The following FER1L6 variants were observed in gnomAD, a reference collection of about 807,000 sequenced individuals.
The protein encoded by FER1L6 is fer-1 like family member 6.
Under a neutral mutation model 219.2 loss-of-function variants are expected in FER1L6, and 177 were observed. That is an observed-to-expected ratio of 0.81 (90% CI 0.71 to 0.91). The LOEUF (loss-of-function observed/expected upper bound fraction) is 0.91, where lower values mean the gene tolerates loss of function less well. FER1L6 is among the 40% of genes least tolerant of loss of function. The probability of loss-of-function intolerance (pLI) is 0.00; values close to 1 mark genes in which losing one functional copy is unlikely to be tolerated. For synonymous variants in FER1L6, 768 were observed against 824.3 expected (o/e 0.93, Z 1.17); for missense variants, 2,153 against 2,259.9 (o/e 0.95, Z 0.96).
At chr8:123,882,935 T>C (rs1188761305) in intron 1 of FER1L6, among the ~76,000 whole-genome samples, 3 of 152,190 alleles carry the variant, frequency 2.0e-5, no homozygotes, top group African/African-American at 7.2e-5. Context: ...AGTGAACCAT[T>C]CTGGTGCAGG....
chr8:123,935,373 A>G (rs149889827), intron 1 of FER1L6, among the ~76,000 whole-genome samples: 166 of 152,308 alleles, frequency 1.1e-3, no homozygotes, highest in African/African-American at 3.8e-3. Flanking sequence ...TAGTTTCTGG[A>G]ATAATAAGAT....
chr8:124,102,893 G>C (rs543974444), intron 38 of FER1L6, among the ~76,000 whole-genome samples: 3 of 152,330 alleles, frequency 2.0e-5, no homozygotes, highest in Admixed American at 2.0e-4. Flanking sequence ...GTTAAGTATT[G>C]TTAACTTAAG....
At chr8:123,859,412 T>C (rs926960213) in intron 1 of FER1L6, among the ~76,000 whole-genome samples, 1 of 152,212 alleles carries the variant, frequency 6.6e-6, no homozygotes, top group Non-Finnish European at 1.5e-5. Flanking sequence ...GTGGTGAGAA[T>C]GTTAAAAATC....
At chr8:123,906,704 G>T (rs956461324) in intron 1 of FER1L6, among the ~76,000 whole-genome samples, 1 of 151,794 alleles carries the variant, frequency 6.6e-6, no homozygotes, top group Non-Finnish European at 1.5e-5. Context: ...AGAGGCTGAG[G>T]CAGGAGAATT....
At chr8:124,077,073 A>T (rs1821325680) in intron 32 of FER1L6, among the ~76,000 whole-genome samples, 1 of 152,070 alleles carries the variant, frequency 6.6e-6, no homozygotes, top group Admixed American at 6.6e-5. Context: ...TCTGTCATTC[A>T]CTCTGGAATC....
chr8:124,006,187 G>C (rs567988077), intron 13 of FER1L6, among the ~76,000 whole-genome samples: 1 of 152,338 alleles, frequency 6.6e-6, no homozygotes, highest in Non-Finnish European at 1.5e-5. Flanking sequence ...GGGCCAGGCA[G>C]TGAAGACATT....
intron 1 of FER1L6, among the ~76,000 whole-genome samples, chr8:123,903,069 T>C (rs1486414972): frequency 2.0e-5 from 3 of 152,154 alleles, no homozygotes; most frequent in African/African-American, 7.2e-5. Context: ...CTTAGTAATT[T>C]GTTTTTTTTA....
At chr8:123,943,006 T>G (rs554439059) in intron 1 of FER1L6, among the ~76,000 whole-genome samples, 20 of 152,294 alleles carry the variant, frequency 1.3e-4, no homozygotes, top group Non-Finnish European at 2.6e-4. Context: ...GAGCACAGGC[T>G]TCTGGGCCAG....
At chr8:123,881,957 AAAAGC>A (rs574327264) in intron 1 of FER1L6, among the ~76,000 whole-genome samples, 127 of 152,314 alleles carry the variant, frequency 8.3e-4, no homozygotes, top group African/African-American at 2.8e-3. Context: ...TCCTGGTGCT[AAAAGC>A]TAATCACTGT....
At chr8:123,895,930 G>A (rs969592635) in intron 1 of FER1L6, among the ~76,000 whole-genome samples, 1 of 152,190 alleles carries the variant, frequency 6.6e-6, no homozygotes, top group Admixed American at 6.5e-5. Flanking sequence ...AGGGACAATA[G>A]GGATGGATTA....
intron 37 of FER1L6, among the ~76,000 whole-genome samples, chr8:124,099,079 G>A (rs1455659312): frequency 1.3e-5 from 2 of 152,022 alleles, no homozygotes; most frequent in Non-Finnish European, 2.9e-5. Context: ...ATCACTTCTT[G>A]TCCGTGTCCT....
intron 32 of FER1L6, among the ~76,000 whole-genome samples, chr8:124,078,152 C>G (rs1032311247): frequency 6.6e-6 from 1 of 152,146 alleles, no homozygotes; most frequent in South Asian, 2.1e-4. Flanking sequence ...TGGCACAGAG[C>G]AGGTGCTCAA....
chr8:123,922,504 T>G (rs527381637), intron 1 of FER1L6, among the ~76,000 whole-genome samples: 4 of 152,124 alleles, frequency 2.6e-5, no homozygotes, highest in Admixed American at 6.5e-5. Context: ...CCGGACTTTG[T>G]GCAGGGCCCC....
At chr8:123,998,299 G>A (rs556244986) in intron 12 of FER1L6, among the ~76,000 whole-genome samples, 2 of 149,712 alleles carry the variant, frequency 1.3e-5, no homozygotes, top group African/African-American at 2.5e-5. Flanking sequence ...GTGATCTTGG[G>A]TAAGATCCAA....
At chr8:124,081,802 C>A (rs1050595050) in intron 32 of FER1L6, among the ~76,000 whole-genome samples, 4 of 151,992 alleles carry the variant, frequency 2.6e-5, no homozygotes, top group African/African-American at 9.7e-5. Flanking sequence ...GTATTGGGCA[C>A]CAGTTGAACG....
chr8:124,085,105 T>C (rs1486849584), intron 33 of FER1L6, among the ~76,000 whole-genome samples: 1 of 152,120 alleles, frequency 6.6e-6, no homozygotes. Flanking sequence ...TCATTTGAAT[T>C]TCTGCAGTAT....
intron 1 of FER1L6, among the ~76,000 whole-genome samples, chr8:123,872,954 T>C (rs1228357370): frequency 6.6e-6 from 1 of 152,188 alleles, no homozygotes; most frequent in East Asian, 1.9e-4. Flanking sequence ...GACATGATGT[T>C]CCCTCTGTGT....
chr8:123,982,388 A>G (rs1816362402), intron 11 of FER1L6, among the ~76,000 whole-genome samples: 1 of 152,228 alleles, frequency 6.6e-6, no homozygotes, highest in South Asian at 2.1e-4. Flanking sequence ...AGATTCTATC[A>G]GAAAGCAAGG....
rs538945206 is a variant in FER1L6, at chr8:124,023,567, T to C, written c.2257T>C (p.Cys753Arg). The C allele has an allele frequency of 1.2e-6, 2 of 1,614,120 alleles. No homozygotes were observed. Among genetic ancestry groups the C allele is most frequent in the Non-Finnish European group, 1.7e-6 (2 of 1,180,014 alleles). ...TGTCGCGGGGCAGATGGGCAAACAC[T>C]GCGGCAAGATCAAAACTCACTTCCT... ...SPVAGQMGKH[C>R]GKIKTHFLKP... Residue 753 changes from cysteine (C) to arginine (R), a missense_variant, in exon 18 of 41, where the codon TGC becomes CGC. Transcript: ENST00000522917.
Sources: allele counts gnomAD v4.1 joint callset (sites outside exome capture counted in the v4.1 genomes callset), GRCh38; gene constraint gnomAD v4.1.1; transcripts MANE v1.5; gene names NCBI Gene and HGNC (gene_info 2026-07-23, HGNC 2026-07-21).